The following FARS2 variants were observed in gnomAD, a reference collection of about 807,000 sequenced individuals.
FARS2 encodes phenylalanyl-tRNA synthetase 2, mitochondrial.
A neutral mutation model predicts 46.4 loss-of-function variants in FARS2; 40 were observed. The observed-to-expected ratio is 0.86, with a 90% confidence interval of 0.67 to 1.12. FARS2 has a LOEUF of 1.12. Ranked by LOEUF, FARS2 falls within the 50% of genes most tolerant of loss-of-function variation. The probability of loss-of-function intolerance (pLI) is 0.00; values close to 1 mark genes in which losing one functional copy is unlikely to be tolerated. For synonymous variants in FARS2, 234 were observed against 214.9 expected, an observed-to-expected ratio of 1.09 and a Z score of -0.78; for missense variants, 513 against 567.9, an observed-to-expected ratio of 0.90 and a Z score of 0.98.
At chr6:5,715,462 C>T (rs1480950952) in intron 6 of FARS2, among the ~76,000 whole-genome samples, 8 of 152,166 alleles carry the variant, frequency 5.3e-5, no homozygotes, top group Non-Finnish European at 1.0e-4. Flanking sequence ...CTTTCCCTGC[C>T]ACTGCCCCCT....
intron 6 of FARS2, among the ~76,000 whole-genome samples, chr6:5,636,664 G>C (rs58293818): frequency 0.062 from 9,426 of 152,278 alleles, 814 homozygotes; most frequent in African/African-American, 0.19. Flanking sequence ...AGAGGACATT[G>C]AAGTCCCCAT....
At chr6:5,284,683 C>A (rs1334152001) in intron 1 of FARS2, among the ~76,000 whole-genome samples, 1 of 152,196 alleles carries the variant, frequency 6.6e-6, no homozygotes, top group African/African-American at 2.4e-5. Context: ...CTTCCATCCC[C>A]TTCAACTCAT....
chr6:5,315,374 G>A (rs1769391594), intron 1 of FARS2, among the ~76,000 whole-genome samples: 1 of 152,124 alleles, frequency 6.6e-6, no homozygotes, highest in African/African-American at 2.4e-5. Context: ...TGCATGCAGC[G>A]CCTAAAGAAC....
rs140965013 is a variant in FARS2 at position 5,262,844 on chromosome 6, G to T, written c.-22+1184G>T. 9.5e-4 allele frequency among the ~76,000 whole-genome samples: 144 copies of T among 152,290 alleles called. 1 individual carries two copies. In the Middle Eastern group the frequency reaches 0.027, roughly 29 times the overall value. On this transcript the variant is annotated intron_variant, in intron 1 of 6. Transcript: ENST00000274680. ...ACTTCTATTACTTCCTGGTTGGTCAGGTCATTGAGCAAATCTAGCCTCTGC... is the reference window on the plus strand; with the variant it reads ...ACTTCTATTACTTCCTGGTTGGTCATGTCATTGAGCAAATCTAGCCTCTGC...
At chr6:5,568,148 C>T (rs1469271873) in intron 5 of FARS2, among the ~76,000 whole-genome samples, 1 of 152,180 alleles carries the variant, frequency 6.6e-6, no homozygotes, top group African/African-American at 2.4e-5. Context: ...CTGTCTGTGT[C>T]TCTTGCTGTT....
chr6:5,569,464 A>G (rs1772510263), intron 5 of FARS2, among the ~76,000 whole-genome samples: 1 of 152,028 alleles, frequency 6.6e-6, no homozygotes, highest in African/African-American at 2.4e-5. Flanking sequence ...AGCTCAACTG[A>G]TCCACCCACC....
intron 6 of FARS2, among the ~76,000 whole-genome samples, chr6:5,722,314 T>G (rs1373788264): frequency 6.6e-5 from 10 of 152,244 alleles, no homozygotes; most frequent in Admixed American, 6.5e-4. Context: ...CCCACAGGTC[T>G]GCAGAACAGT....
At chr6:5,254,735 CT>C in the FARS2 span, among the ~76,000 whole-genome samples, 2 of 152,190 alleles carry the variant, frequency 1.3e-5, no homozygotes, top group Non-Finnish European at 2.9e-5. Flanking sequence ...CCAACTTGCC[CT>C]CTTCTCCTTC....
At chr6:5,277,992 C>G (rs1481514101) in intron 1 of FARS2, among the ~76,000 whole-genome samples, 1 of 152,208 alleles carries the variant, frequency 6.6e-6, no homozygotes, top group Non-Finnish European at 1.5e-5. Flanking sequence ...TGGACTAGAA[C>G]CTTAATCTTT....
At chr6:5,715,036 A>G (rs966191036) in intron 6 of FARS2, among the ~76,000 whole-genome samples, 6 of 152,196 alleles carry the variant, frequency 3.9e-5, no homozygotes, top group African/African-American at 1.4e-4. Flanking sequence ...AAAATAAAAA[A>G]TAAAAACAAT....
intron 6 of FARS2, among the ~76,000 whole-genome samples, chr6:5,640,833 G>T (rs1776780708): frequency 6.6e-6 from 1 of 152,156 alleles, no homozygotes; most frequent in East Asian, 1.9e-4. Context: ...CCCACTCCTT[G>T]TCCCTTTTCT....
intron 5 of FARS2, among the ~76,000 whole-genome samples, chr6:5,602,849 C>T (rs1774616050): frequency 6.6e-6 from 1 of 152,108 alleles, no homozygotes; most frequent in South Asian, 2.1e-4. Context: ...ATAACCGGGT[C>T]ATGGACAACC....
chr6:5,371,137 G>C, intron 2 of FARS2: 1 of 965,400 alleles, frequency 1.0e-6, no homozygotes. Flanking sequence ...CGTGGGACCT[G>C]CTTATGACCC....
intron 2 of FARS2, among the ~76,000 whole-genome samples, chr6:5,376,196 G>A (rs1361432292): frequency 1.3e-5 from 2 of 152,072 alleles, no homozygotes; most frequent in African/African-American, 4.8e-5. Context: ...GCACACGTGT[G>A]TGCTTTTACT....
intron 1 of FARS2, among the ~76,000 whole-genome samples, chr6:5,315,745 T>TCTTCCTTTCTTTCTTTCTTTCTTTCTTC (rs1554162047): frequency 2.0e-4 from 30 of 150,200 alleles, no homozygotes; most frequent in African/African-American, 7.2e-4. Flanking sequence ...TTTTTTCCTT[T>TCTTCCTTTCTTTCTTTCTTTCTTTCTTC]CTTTCTTTCT....
chr6:5,322,149 T>G (rs1318480817), intron 1 of FARS2, among the ~76,000 whole-genome samples: 1 of 152,198 alleles, frequency 6.6e-6, no homozygotes, highest in Non-Finnish European at 1.5e-5. Context: ...TTTCATCAAA[T>G]AGTCACATAA....
chr6:5,739,610 A>T (rs186909934), intron 6 of FARS2, among the ~76,000 whole-genome samples: 143 of 152,352 alleles, frequency 9.4e-4, no homozygotes, highest in African/African-American at 3.4e-3. Flanking sequence ...TACAAGACAG[A>T]TGTATGTTTC....
chr6:5,671,491 T>C (rs192057727), intron 6 of FARS2, among the ~76,000 whole-genome samples: 3 of 152,346 alleles, frequency 2.0e-5, no homozygotes, highest in Admixed American at 6.5e-5. Flanking sequence ...GAAAGAACTA[T>C]GGTGTTCAAG....
rs9504402 is a variant in FARS2, at chr6:5,466,724, C to T, written c.904+35552C>T. The T allele has an allele frequency of 4.5e-4, 444 of 979,782 alleles. 2 individuals carry two copies. The African/African-American group carries it at 7.1e-3, about 16-fold the overall frequency. 60.7% of individuals were successfully genotyped at this position (979,782 alleles called of 1,614,324 possible). ...AAATGCCTGTTTCCTTCCAGAGAGTCGAATGCAAGGCTGTGTGTGGTGCCT... is the reference window on the plus strand; with the variant it reads ...AAATGCCTGTTTCCTTCCAGAGAGTTGAATGCAAGGCTGTGTGTGGTGCCT... On this transcript the variant is annotated intron_variant, in intron 4 of 6. Transcript: ENST00000274680.
Sources: allele counts gnomAD v4.1 joint callset (sites outside exome capture counted in the v4.1 genomes callset), GRCh38; gene constraint gnomAD v4.1.1; transcripts MANE v1.5; gene names NCBI Gene and HGNC (gene_info 2026-07-23, HGNC 2026-07-21).